Variants in COG5 observed in about 807,000 individuals in gnomAD.
The protein encoded by COG5 is conserved oligomeric Golgi complex subunit 5.
In COG5, 86 loss-of-function variants were observed where a neutral mutation model predicts 110.4. The observed-to-expected ratio is 0.78, with a 90% CI of 0.65 to 0.93. The LOEUF (loss-of-function observed/expected upper bound fraction) is 0.93. Ranked by LOEUF, COG5 falls within the 40% of genes least tolerant of loss-of-function variation. The pLI is 0.00. For synonymous variants in COG5, 360 were observed against 334.6 expected (o/e 1.08, Z -0.83); for missense variants, 1,077 against 987.0 (o/e 1.09, Z -1.22).
chr7:107,522,217 C>T (rs1800378245), intron 6 of COG5, among the ~76,000 whole-genome samples: 1 of 152,166 alleles, frequency 6.6e-6, no homozygotes, highest in South Asian at 2.1e-4. Context: ...GCCTGTAATC[C>T]CAGCACTTTG....
At chr7:107,210,422 T>C in intron 21 of COG5, 104 bp downstream of exon 21, 1 of 1,518,234 alleles carries the variant, frequency 6.6e-7, no homozygotes, top group Non-Finnish European at 8.9e-7. Flanking sequence ...GAAGGTGCAG[T>C]CACATGTCCA....
At chr7:107,490,070 T>C (rs186634639) in intron 6 of COG5, among the ~76,000 whole-genome samples, 511 of 152,294 alleles carry the variant, frequency 3.4e-3, no homozygotes, top group African/African-American at 0.012. Flanking sequence ...TTATATGATG[T>C]AGTTATTTTT....
intron 6 of COG5, among the ~76,000 whole-genome samples, chr7:107,516,684 T>C (rs1435335163): frequency 1.3e-5 from 2 of 152,190 alleles, no homozygotes; most frequent in African/African-American, 2.4e-5. Context: ...CAATCTTTTC[T>C]GTTCTGCAGC....
At chr7:107,331,362 G>A (rs1810224932) in intron 10 of COG5, among the ~76,000 whole-genome samples, 1 of 152,068 alleles carries the variant, frequency 6.6e-6, no homozygotes, top group Admixed American at 6.5e-5. Context: ...CAGCTACTCA[G>A]GAGGCTGAGG....
At chr7:107,294,713 CTTTTTTTTTT>C (rs796291188) in intron 12 of COG5, among the ~76,000 whole-genome samples, 81 of 110,054 alleles carry the variant, frequency 7.4e-4, no homozygotes, top group African/African-American at 3.0e-3. Context: ...AATTTTCTTT[CTTTTTTTTTT>C]TTTTTTTTTT....
chr7:107,526,532 G>C (rs1272692593), intron 6 of COG5, among the ~76,000 whole-genome samples: 1 of 152,168 alleles, frequency 6.6e-6, no homozygotes, highest in African/African-American at 2.4e-5. Context: ...CATGGGATTT[G>C]TCATGTTAAA....
At chr7:107,260,877 T>G (rs1285102417) in intron 14 of COG5, among the ~76,000 whole-genome samples, 2 of 152,118 alleles carry the variant, frequency 1.3e-5, no homozygotes, top group Admixed American at 1.3e-4. Context: ...ATATAATCAG[T>G]CCAAGTCCAA....
rs71134263 is a variant in COG5 at position 107,365,596 on chromosome 7, C to CAAA, written c.836-3179_836-3177dup. On this transcript the variant is annotated intron_variant, in intron 8 of 21. Coordinates refer to ENST00000297135, the MANE Select transcript of COG5 (RefSeq NM_006348.5). ...GGGAATGTTCAACATTGCAAAATGA[C>CAAA]AAAAAAAAAAAAAAAAAAAAAAAAA... Among the ~76,000 whole-genome samples the CAAA allele has an allele frequency of 9.7e-3, 354 of 36,668 alleles. 14 individuals carry two copies. Among genetic ancestry groups the CAAA allele is most frequent in the African/African-American group, 0.028 (296 of 10,526 alleles). 24.1% of individuals were successfully genotyped at this position (36,668 alleles called of 152,430 possible). A position where few individuals can be genotyped will look rare whatever the true frequency, so the allele number is the denominator to read the frequency against.
intron 19 of COG5, among the ~76,000 whole-genome samples, chr7:107,229,318 G>A (rs1014707872): frequency 2.0e-5 from 3 of 152,106 alleles, no homozygotes; most frequent in Non-Finnish European, 2.9e-5. Flanking sequence ...GTGTGGTGGC[G>A]TGTTCCTGTA....
chr7:107,267,411 T>G (rs145268790), intron 14 of COG5, among the ~76,000 whole-genome samples: 2,338 of 152,330 alleles, frequency 0.015, 239 homozygotes, highest in Admixed American at 0.14. Flanking sequence ...TATCTACCCA[T>G]GACCTAAACA....
At chr7:107,336,821 C>A (rs1810739198) in intron 10 of COG5, among the ~76,000 whole-genome samples, 1 of 152,190 alleles carries the variant, frequency 6.6e-6, no homozygotes, top group Non-Finnish European at 1.5e-5. Flanking sequence ...CACTCACTTG[C>A]ATATGCCACC....
chr7:107,516,139 CAATA>C (rs532364982), intron 6 of COG5, among the ~76,000 whole-genome samples: 1 of 152,156 alleles, frequency 6.6e-6, no homozygotes, highest in African/African-American at 2.4e-5. Context: ...TTAAAAAGTA[CAATA>C]AATATGTCTG....
Position 107,232,381 on chromosome 7 carries a change from A to C in COG5, c.2092-1690T>G, listed in dbSNP as rs144952373. ...AAATGTGATTATCACTGTATCTTTG[A>C]TATAATTCCATTCAAATACCTCTCT... On this transcript the variant is annotated intron_variant, in intron 18 of 21. Coordinates refer to ENST00000297135, the MANE Select transcript of COG5 (RefSeq NM_006348.5). 2.0e-5 allele frequency among the ~76,000 whole-genome samples: 3 copies of C among 152,336 alleles called. No individual in the cohort carries two copies. The East Asian group carries it at 5.8e-4, about 29-fold the overall frequency.
At chr7:107,322,583 T>C (rs574190882) in intron 11 of COG5, among the ~76,000 whole-genome samples, 24 of 152,102 alleles carry the variant, frequency 1.6e-4, no homozygotes, top group Non-Finnish European at 2.8e-4. Context: ...ATATCATGGA[T>C]TGGCAAAAAT....
At chr7:107,554,170 A>G in intron 3 of COG5, 115 bp downstream of exon 3, 1 of 836,678 alleles carries the variant, frequency 1.2e-6, no homozygotes, top group East Asian at 2.6e-5. Context: ...AGTAGTTGCA[A>G]CAGAGACTGT....
chr7:107,239,856 C>G (rs1316287035), intron 17 of COG5, among the ~76,000 whole-genome samples: 1 of 152,144 alleles, frequency 6.6e-6, no homozygotes, highest in African/African-American at 2.4e-5. Flanking sequence ...GATTTCAGCT[C>G]CCTTTAATTT....
chr7:107,232,691 A>T (rs1307269808), intron 18 of COG5, among the ~76,000 whole-genome samples: 2 of 152,332 alleles, frequency 1.3e-5, no homozygotes, highest in South Asian at 2.1e-4. Context: ...TCCATAAAGG[A>T]CCTCTAGGAT....
intron 6 of COG5, among the ~76,000 whole-genome samples, chr7:107,490,544 T>C (rs1584889384): frequency 6.6e-6 from 1 of 152,144 alleles, no homozygotes; most frequent in African/African-American, 2.4e-5. Context: ...GTGATCCAAG[T>C]GTGTGACATC....
At chr7:107,392,375 A>T (rs1249531421) in intron 7 of COG5, among the ~76,000 whole-genome samples, 1 of 152,180 alleles carries the variant, frequency 6.6e-6, no homozygotes, top group Non-Finnish European at 1.5e-5. Context: ...TGTTCAACAT[A>T]GTTGCTATCA....
Sources: allele counts gnomAD v4.1 joint callset (sites outside exome capture counted in the v4.1 genomes callset), GRCh38; gene constraint gnomAD v4.1.1; transcripts MANE v1.5; gene names NCBI Gene and HGNC (gene_info 2026-07-23, HGNC 2026-07-21).